Variants in SSH2 observed in about 807,000 individuals in gnomAD.
SSH2 encodes protein phosphatase Slingshot homolog 2.
A neutral mutation model predicts 135.2 loss-of-function variants in SSH2; 37 were observed. That is an observed-to-expected ratio of 0.27 (90% CI 0.21 to 0.36). SSH2 has a LOEUF of 0.36. SSH2 is among the 10% of genes least tolerant of loss of function. The pLI is 1.00. For missense variants in SSH2, 1,408 were observed against 1,765.3 expected, an observed-to-expected ratio of 0.80 and a Z score of 3.63; for synonymous variants, 628 against 646.2, an observed-to-expected ratio of 0.97 and a Z score of 0.43.
intron 3 of SSH2, among the ~76,000 whole-genome samples, chr17:29,720,882 T>C (rs1428213780): frequency 6.6e-6 from 1 of 152,200 alleles, no homozygotes; most frequent in African/African-American, 2.4e-5. Context: ...TACCTCACAA[T>C]TTTTCACCCA....
intron 11 of SSH2, among the ~76,000 whole-genome samples, chr17:29,666,627 G>A (rs1215474961): frequency 1.3e-5 from 2 of 152,156 alleles, no homozygotes; most frequent in East Asian, 3.8e-4. Flanking sequence ...AGATTGTAGT[G>A]AGACGAGATC....
chr17:29,880,505 C>T (rs2066118109), intron 1 of SSH2, among the ~76,000 whole-genome samples: 1 of 152,164 alleles, frequency 6.6e-6, no homozygotes, highest in Non-Finnish European at 1.5e-5. Flanking sequence ...CCCTGTAGAA[C>T]TGTTCTGTAT....
chr17:29,673,988 C>A, intron 8 of SSH2: 1 of 410,156 alleles, frequency 2.4e-6, no homozygotes. Context: ...AAAATCTTTG[C>A]ACACATCCAT....
intron 2 of SSH2, among the ~76,000 whole-genome samples, chr17:29,846,966 A>G (rs1177763392): frequency 6.6e-6 from 1 of 152,232 alleles, no homozygotes; most frequent in African/African-American, 2.4e-5. Context: ...CAAATCTGTA[A>G]AAAACAATAC....
In SSH2 at chr17:29,632,614, T is replaced by A. The variant is rs748242955; in HGVS notation, c.2580A>T (p.Ser860=). 1 of 1,614,162 alleles carries A rather than the reference T, an allele frequency of 6.2e-7. No homozygotes were observed. Among genetic ancestry groups the A allele is most frequent in the Non-Finnish European group, 8.5e-7 (1 of 1,180,024 alleles). Residue 860 remains serine, a synonymous_variant, in exon 16 of 16, where the codon TCA becomes TCT. Transcript: ENST00000540801. The part of the protein sequence containing the change: ...CNPEGCLTTH[S]SIADLEEGEP... ...CCCCTTCTTCCAAGTCTGCTATAGA[T>A]GAGTGTGTGGTTAGGCAGCCTTCTG...
At chr17:29,761,334 A>G in intron 3 of SSH2, 1 of 1,105,370 alleles carries the variant, frequency 9.0e-7, no homozygotes, top group Non-Finnish European at 1.1e-6. Flanking sequence ...CTCCGGCACG[A>G]GGCGCAGGCT....
At chr17:29,646,688 T>C (rs1422961115) in intron 14 of SSH2, among the ~76,000 whole-genome samples, 3 of 151,780 alleles carry the variant, frequency 2.0e-5, no homozygotes, top group Admixed American at 1.3e-4. Flanking sequence ...TTAATAGAGA[T>C]GGGGTTTCAC....
chr17:29,652,949 C>A (rs2036637356), intron 12 of SSH2, among the ~76,000 whole-genome samples: 1 of 152,184 alleles, frequency 6.6e-6, no homozygotes, highest in Admixed American at 6.6e-5. Flanking sequence ...AACCACCTTG[C>A]CCGGCCTCCT....
At chr17:29,678,878 C>T (rs989994268) in intron 6 of SSH2, among the ~76,000 whole-genome samples, 1 of 151,906 alleles carries the variant, frequency 6.6e-6, no homozygotes, top group Non-Finnish European at 1.5e-5. Context: ...CCATGCCCGG[C>T]TAATTTTTGT....
intron 11 of SSH2, among the ~76,000 whole-genome samples, chr17:29,662,455 G>A (rs1238559055): frequency 6.6e-6 from 1 of 152,092 alleles, no homozygotes; most frequent in Non-Finnish European, 1.5e-5. Flanking sequence ...GTGGCAACCA[G>A]GCATAAGCTG....
At chr17:29,797,814 G>T (rs2042183481) in intron 2 of SSH2, among the ~76,000 whole-genome samples, 1 of 152,290 alleles carries the variant, frequency 6.6e-6, no homozygotes, top group Non-Finnish European at 1.5e-5. Context: ...GTTGAGTCCA[G>T]AAGTTTGAAG....
At chr17:29,817,865 C>T (rs2042585051) in intron 2 of SSH2, among the ~76,000 whole-genome samples, 2 of 152,088 alleles carry the variant, frequency 1.3e-5, no homozygotes, top group African/African-American at 4.8e-5. Flanking sequence ...TCAAGGGATC[C>T]TCCCGCCTCA....
At chr17:29,703,114 G>A in intron 3 of SSH2, 52 bp from the exon 4 acceptor site, 1 of 1,286,090 alleles carries the variant, frequency 7.8e-7, no homozygotes. Context: ...GGAAATCAAA[G>A]AGTAGGATGG....
At chr17:29,913,385 C>A (rs2066822189) in intron 1 of SSH2, among the ~76,000 whole-genome samples, 3 of 65,516 alleles carry the variant, frequency 4.6e-5, no homozygotes, top group Admixed American at 2.5e-4. Context: ...TATATATATC[C>A]AATTTCTACT....
At chr17:29,792,965 C>G (rs367784925) in intron 3 of SSH2, among the ~76,000 whole-genome samples, 1 of 152,268 alleles carries the variant, frequency 6.6e-6, no homozygotes, top group East Asian at 1.9e-4. Flanking sequence ...TGAGCCACCG[C>G]GCCCGGCCTG....
At chr17:29,847,564 C>T (rs897118852) in intron 2 of SSH2, among the ~76,000 whole-genome samples, 6 of 152,188 alleles carry the variant, frequency 3.9e-5, no homozygotes, top group Admixed American at 2.0e-4. Flanking sequence ...ACCCACAACT[C>T]TTCCCTTCAC....
At chr17:29,909,458 G>C (rs1362219893) in intron 1 of SSH2, among the ~76,000 whole-genome samples, 1 of 152,058 alleles carries the variant, frequency 6.6e-6, no homozygotes, top group African/African-American at 2.4e-5. Flanking sequence ...AGATGAATGA[G>C]TCTCAAGGGG....
chr17:29,681,805 A>G (rs2038000968), intron 6 of SSH2, among the ~76,000 whole-genome samples: 2 of 152,222 alleles, frequency 1.3e-5, no homozygotes, highest in African/African-American at 2.4e-5. Flanking sequence ...TAACATTTAC[A>G]TTCTCAGATA....
intron 2 of SSH2, among the ~76,000 whole-genome samples, chr17:29,817,603 C>T (rs945154513): frequency 3.7e-4 from 56 of 152,174 alleles, no homozygotes; most frequent in Non-Finnish European, 7.5e-4. Context: ...AATTATCCTA[C>T]ATTATCTATT....
Sources: allele counts gnomAD v4.1 joint callset (sites outside exome capture counted in the v4.1 genomes callset), GRCh38; gene constraint gnomAD v4.1.1; transcripts MANE v1.5; gene names NCBI Gene and HGNC (gene_info 2026-07-23, HGNC 2026-07-21).